Variants in FOXP2 observed in about 807,000 individuals in gnomAD.
FOXP2 encodes the protein forkhead box P2, also known as forkhead box protein P2.
In FOXP2, 12 loss-of-function variants were observed where a neutral mutation model predicts 115.8. That is an observed-to-expected ratio of 0.10 (90% CI 0.07 to 0.17). The LOEUF (loss-of-function observed/expected upper bound fraction) is 0.17, where lower values mean the gene tolerates loss of function less well. Among genes scored for constraint, FOXP2 ranks in the 10% least tolerant of loss-of-function variants. The pLI, the probability that FOXP2 is intolerant of heterozygous loss-of-function variation, is 1.00. For synonymous variants in FOXP2, 328 were observed against 297.7 expected (o/e 1.10, Z -1.05); for missense variants, 629 against 843.5 (o/e 0.75, Z 3.15).
At chr7:114,179,108 A>G (rs1793390916) in intron 1 of FOXP2, among the ~76,000 whole-genome samples, 1 of 151,966 alleles carries the variant, frequency 6.6e-6, no homozygotes, top group Admixed American at 6.6e-5. Flanking sequence ...GCTCGTACAA[A>G]GGACAATTTT....
chr7:114,534,536 G>C, intron 2 of FOXP2, 81 bp from the exon 3 acceptor site: 2 of 1,101,916 alleles, frequency 1.8e-6, no homozygotes, highest in Middle Eastern at 2.0e-4. Flanking sequence ...GTACATTGAA[G>C]CCTTTTACTA....
intron 1 of FOXP2, among the ~76,000 whole-genome samples, chr7:114,274,969 T>C (rs79721740): frequency 1.3e-5 from 2 of 152,052 alleles, no homozygotes; most frequent in African/African-American, 4.8e-5. Context: ...CTTTAAATAT[T>C]TCATTCTATT....
intron 3 of FOXP2, among the ~76,000 whole-genome samples, chr7:114,621,462 A>G (rs1367086485): frequency 6.6e-6 from 1 of 152,072 alleles, no homozygotes; most frequent in African/African-American, 2.4e-5. Flanking sequence ...CTAATCTTGG[A>G]TCTGTACAAA....
rs540170170 is a variant in FOXP2 at position 114,656,673 on chromosome 7, A to T, written c.1267-1393A>T. The T allele has an allele frequency of 1.3e-4, 26 of 194,110 alleles. No individual in the cohort carries two copies. The Admixed American group carries it at 1.4e-3, about 11-fold the overall frequency. 12.0% of individuals were successfully genotyped at this position (194,110 alleles called of 1,614,324 possible). On this transcript the variant is annotated intron_variant, in intron 10 of 16. Transcript: ENST00000350908. ...TAACAGTTTGTGGTTTATTGGGAACAGATGCACTTGGGGATGCCTTCAGGG... is the reference window on the plus strand; with the variant it reads ...TAACAGTTTGTGGTTTATTGGGAACTGATGCACTTGGGGATGCCTTCAGGG...
intron 4 of FOXP2, 97 bp from the exon 5 acceptor site, chr7:114,629,708 T>C: frequency 1.2e-6 from 2 of 1,602,820 alleles, no homozygotes; most frequent in South Asian, 1.1e-5. Context: ...TGAATCTTAA[T>C]GGATACTCTG....
upstream of FOXP2, among the ~76,000 whole-genome samples, chr7:114,161,523 A>C (rs945509226): frequency 4.3e-5 from 5 of 115,054 alleles, no homozygotes; most frequent in Middle Eastern, 4.5e-3. Flanking sequence ...TGTTTTAACT[A>C]TTTTCTCACA....
chr7:114,456,312 A>G lies in FOXP2; in HGVS notation c.168+29633A>G, dbSNP rs1237117062. ...GCTCTAGAGCCCTGCGGTGTAATCAAATCTGCAGTTTTTAAAACAGTAACC... is the reference window on the plus strand; with the variant it reads ...GCTCTAGAGCCCTGCGGTGTAATCAGATCTGCAGTTTTTAAAACAGTAACC... On this transcript the variant is annotated intron_variant, in intron 2 of 16. Coordinates refer to ENST00000350908, the MANE Select transcript of FOXP2 (RefSeq NM_014491.4). 3.3e-5 allele frequency among the ~76,000 whole-genome samples: 5 copies of G among 152,334 alleles called. No individual in the cohort carries two copies. In the East Asian group the frequency reaches 9.6e-4, roughly 29 times the overall value.
chr7:114,298,579 C>A (rs1028153060), intron 2 of FOXP2, among the ~76,000 whole-genome samples: 2 of 152,180 alleles, frequency 1.3e-5, no homozygotes, highest in African/African-American at 4.8e-5. Context: ...ATATAATCTT[C>A]ATTTAACAGA....
intron 1 of FOXP2, among the ~76,000 whole-genome samples, chr7:114,260,556 G>C (rs1012819858): frequency 7.9e-5 from 12 of 151,876 alleles, no homozygotes; most frequent in African/African-American, 2.7e-4. Context: ...TGAATAGACT[G>C]TTGGCCTGAC....
intron 1 of FOXP2, among the ~76,000 whole-genome samples, chr7:114,091,383 A>G (rs1038945219): frequency 2.0e-5 from 3 of 151,880 alleles, no homozygotes; most frequent in African/African-American, 7.2e-5. Flanking sequence ...ACAGTGATAT[A>G]TTTTCAGTAG....
intron 2 of FOXP2, among the ~76,000 whole-genome samples, chr7:114,402,692 T>C (rs1481206307): frequency 2.0e-5 from 3 of 151,456 alleles, no homozygotes; most frequent in Non-Finnish European, 2.9e-5. Context: ...AGTGACACCA[T>C]CATAGCTCAC....
At chr7:114,140,815 A>G (rs562694453) in intron 1 of FOXP2, among the ~76,000 whole-genome samples, 1 of 152,328 alleles carries the variant, frequency 6.6e-6, no homozygotes, top group Non-Finnish European at 1.5e-5. Context: ...TGAGGGTGGA[A>G]GGGATCAGCA....
intron 2 of FOXP2, among the ~76,000 whole-genome samples, chr7:114,472,763 T>G (rs945042318): frequency 6.6e-5 from 10 of 152,208 alleles, no homozygotes; most frequent in Non-Finnish European, 1.3e-4. Context: ...GTTTTCCTTT[T>G]TATAGTTTGC....
Position 114,208,015 on chromosome 7 carries a change from C to T in FOXP2, c.-102+44927C>T, listed in dbSNP as rs921640003. ...CCCACACAGAGTTCCTACTTGGTCACCACCTAGTGGACCTGGGAGAAGAGG... is the reference window on the plus strand; with the variant it reads ...CCCACACAGAGTTCCTACTTGGTCATCACCTAGTGGACCTGGGAGAAGAGG... On this transcript the variant is annotated intron_variant, in intron 1 of 17. Transcript: ENST00000634411. Among the ~76,000 whole-genome samples the T allele has an allele frequency of 6.6e-5, 10 of 152,282 alleles. No individual in the cohort carries two copies. The East Asian group carries it at 1.5e-3, about 24-fold the overall frequency.
At chr7:114,198,656 A>C (rs1468535975) in intron 1 of FOXP2, among the ~76,000 whole-genome samples, 1 of 152,168 alleles carries the variant, frequency 6.6e-6, no homozygotes, top group East Asian at 1.9e-4. Flanking sequence ...TATGTGGCCC[A>C]GTTCCTAACA....
At chr7:114,365,872 G>T (rs942926703) in intron 2 of FOXP2, among the ~76,000 whole-genome samples, 2 of 152,012 alleles carry the variant, frequency 1.3e-5, no homozygotes, top group Non-Finnish European at 2.9e-5. Context: ...ATACAAAAAA[G>T]AAATATATTT....
rs537123772 is a variant in FOXP2, at chr7:114,303,655, G to A, written c.-11+15546G>A. On this transcript the variant is annotated intron_variant, in intron 2 of 17. Coordinates refer to the FOXP2 transcript ENST00000634411. ...GCTCACCATTTTCTATTTGTTGTCT[G>A]CCTTAGAAATATGAAACTAGAGGTT... is the stretch of plus-strand genomic sequence containing the variant. Among the ~76,000 whole-genome samples the A allele has an allele frequency of 7.9e-5, 12 of 152,090 alleles. 1 individual carries two copies. In the East Asian group the frequency reaches 1.7e-3, roughly 22 times the overall value.
intron 1 of FOXP2, among the ~76,000 whole-genome samples, chr7:114,130,367 A>G (rs1791839078): frequency 6.6e-6 from 1 of 152,202 alleles, no homozygotes; most frequent in African/African-American, 2.4e-5. Context: ...TAAAAAATTG[A>G]CACAATTATG....
At chr7:114,173,822 A>AT (rs1284828088) in intron 1 of FOXP2, among the ~76,000 whole-genome samples, 2 of 151,860 alleles carry the variant, frequency 1.3e-5, no homozygotes, top group Non-Finnish European at 2.9e-5. Flanking sequence ...TGCCAGAATG[A>AT]TTTTTTCTGT....
Sources: allele counts gnomAD v4.1 joint callset (sites outside exome capture counted in the v4.1 genomes callset), GRCh38; gene constraint gnomAD v4.1.1; transcripts MANE v1.5; gene names NCBI Gene and HGNC (gene_info 2026-07-23, HGNC 2026-07-21).